The following ADAM28 variants were observed in gnomAD, a reference collection of about 807,000 sequenced individuals.
ADAM28 encodes the protein ADAM metallopeptidase domain 28.
A neutral mutation model predicts 101.2 loss-of-function variants in ADAM28; 105 were observed. That is an observed-to-expected ratio of 1.04 (90% CI 0.89 to 1.22). The LOEUF (loss-of-function observed/expected upper bound fraction) is 1.22, where lower values mean the gene tolerates loss of function less well. Ranked by LOEUF, ADAM28 falls within the 50% of genes most tolerant of loss-of-function variation. The pLI is 0.00. For synonymous variants in ADAM28, 322 were observed against 310.6 expected, an observed-to-expected ratio of 1.04 and a Z score of -0.39; for missense variants, 1,028 against 945.4, an observed-to-expected ratio of 1.09 and a Z score of -1.15.
Position 24,341,757 on chromosome 8 carries a change from G to C in ADAM28, c.1830G>C (p.Lys610Asn). 1.2e-6 allele frequency: 2 copies of C among 1,613,204 alleles called. No homozygotes were observed. Among genetic ancestry groups the C allele is most frequent in the Middle Eastern group, 3.3e-4 (2 of 6,058 alleles). The part of the protein sequence containing the change: ...VANGTKCGDN[K>N]VCINAECVDI... The stretch of plus-strand genomic sequence containing the variant: ...ATGGAACTAAGTGTGGCGATAACAA[G>C]GTAAGTTGAAATTGTGGCTTTCACT... The change falls in exon 16 of 23, where the codon AAG (lysine) becomes AAC (asparagine). Residue 610 changes from lysine (K) to asparagine (N), a missense_variant and splice_region_variant. Physicochemically the swap from Lys to Asn is moderately conservative, Grantham distance 94 (BLOSUM62 0). Transcript: ENST00000265769.
intron 20 of ADAM28, chr8:24,351,638 AAAAT>A (rs1251985111): frequency 8.5e-6 from 4 of 471,746 alleles, no homozygotes; most frequent in Non-Finnish European, 1.5e-5. Flanking sequence ...GCAAATTGAC[AAAAT>A]AGATACAAAA....
chr8:24,334,172 A>ACC (rs1341883119), intron 13 of ADAM28, among the ~76,000 whole-genome samples: 1 of 152,236 alleles, frequency 6.6e-6, no homozygotes. Flanking sequence ...TGATATACAT[A>ACC]TATGAAACAT....
At chr8:24,334,752 A>AAAAC (rs142374434) in intron 13 of ADAM28, among the ~76,000 whole-genome samples, 5 of 152,228 alleles carry the variant, frequency 3.3e-5, no homozygotes, top group East Asian at 3.8e-4. Context: ...GTTAGGAAGG[A>AAAAC]AAACAAACAA....
In ADAM28 at chr8:24,309,979, C is replaced by A. The variant is rs112239121; in HGVS notation, c.227+9C>A. 472 of 1,548,030 alleles carry A rather than the reference C, an allele frequency of 3.0e-4. No homozygotes were observed. In the African/African-American group the frequency reaches 5.8e-3, roughly 19 times the overall value. On this transcript the variant is annotated intron_variant, in intron 3 of 22. Coordinates refer to ENST00000265769, the MANE Select transcript of ADAM28 (RefSeq NM_014265.6). ...TATTTGAAAAAAAACAAGTAAGTAT[C>A]TTTACCTGTGATATTATCCTCAGCA...
At chr8:24,339,356 A>G (rs1205379748) in intron 14 of ADAM28, 110 bp from the exon 15 acceptor site, 2 of 785,620 alleles carry the variant, frequency 2.5e-6, no homozygotes, top group Non-Finnish European at 4.1e-6. Flanking sequence ...CTTGTTTTAT[A>G]TTTTATAAAT....
At position 24,330,022 on chromosome 8, in the gene ADAM28, T is replaced by C. The variant is rs148631817; in HGVS notation, c.1010T>C (p.Met337Thr). 4.1e-4 allele frequency: 666 copies of C among 1,613,654 alleles called. No homozygotes were observed. Among genetic ancestry groups the C allele is most frequent in the Non-Finnish European group, 1.8e-4 (216 of 1,179,734 alleles). The change falls in exon 11 of 23, where the codon ATG becomes ACG. Residue 337 changes from methionine to threonine, a missense_variant. By Grantham distance (81) the Met-to-Thr change is moderately conservative (BLOSUM62 -1). Transcript: ENST00000265769. ...SDNLLRVAGT[M>T]AHEMGHNFGM... Reference sequence around the variant, plus strand: ...AATCTTCTTAGAGTTGCAGGGACAATGGCACATGAAATGGGCCACAACTTT... The same window carrying C: ...AATCTTCTTAGAGTTGCAGGGACAACGGCACATGAAATGGGCCACAACTTT...
chr8:24,345,777 C>A (rs988061874), intron 18 of ADAM28, among the ~76,000 whole-genome samples: 1 of 151,964 alleles, frequency 6.6e-6, no homozygotes, highest in Non-Finnish European at 1.5e-5. Context: ...AAGTATTTCT[C>A]AAAATTTTTA....
At position 24,314,438 on chromosome 8, in the gene ADAM28, T is replaced by C. The variant is rs528110036; in HGVS notation, c.576+858T>C. Among the ~76,000 whole-genome samples, 15 of 152,284 alleles carry C rather than the reference T, an allele frequency of 9.9e-5. No homozygotes were observed. In the East Asian group the frequency reaches 1.7e-3, roughly 18 times the overall value. ...ATAGTTTTGTGTTTTAGACTGTATA[T>C]ATCAAAATATCTTTGTTGACCTTAC... On this transcript the variant is annotated intron_variant, in intron 6 of 22. Transcript: ENST00000265769.
chr8:24,299,184 A>AT (rs1808378001), intron 1 of ADAM28, among the ~76,000 whole-genome samples: 1 of 152,134 alleles, frequency 6.6e-6, no homozygotes, highest in African/African-American at 2.4e-5. Context: ...AGAGTGAGAC[A>AT]TTGTCTCAAA....
chr8:24,308,935 C>G (rs1810062817), intron 2 of ADAM28, among the ~76,000 whole-genome samples: 1 of 152,164 alleles, frequency 6.6e-6, no homozygotes, highest in Non-Finnish European at 1.5e-5. Context: ...GCAGAAGAAA[C>G]AGAACTCAGT....
intron 2 of ADAM28, chr8:24,301,001 A>G (rs1312467577): frequency 2.6e-5 from 4 of 152,220 alleles, no homozygotes; most frequent in African/African-American, 9.6e-5. Flanking sequence ...GAGAAAAGCT[A>G]AAACATGATG....
intron 6 of ADAM28, among the ~76,000 whole-genome samples, chr8:24,319,373 GTC>G (rs1473463141): frequency 6.6e-6 from 1 of 151,852 alleles, no homozygotes; most frequent in Non-Finnish European, 1.5e-5. Flanking sequence ...TTGTCTCTTG[GTC>G]TCTCTGCTGA....
chr8:24,348,830 G>T (rs751401638), intron 18 of ADAM28, among the ~76,000 whole-genome samples: 16 of 152,218 alleles, frequency 1.1e-4, no homozygotes, highest in Non-Finnish European at 1.6e-4. Context: ...GTGAAGTACT[G>T]CCAAATTCCC....
intron 5 of ADAM28, among the ~76,000 whole-genome samples, chr8:24,312,780 G>A (rs1184096710): frequency 6.6e-6 from 1 of 152,008 alleles, no homozygotes; most frequent in Non-Finnish European, 1.5e-5. Flanking sequence ...AATGAATAAT[G>A]GGTACTCAAT....
In ADAM28 at chr8:24,349,855, C is replaced by G; in HGVS notation, c.1991-9C>G. The G allele has an allele frequency of 6.2e-7, 1 of 1,613,060 alleles. No individual in the cohort carries two copies. The highest frequency in any genetic ancestry group is 1.3e-5 in the African/African-American group (1 of 74,960). On this transcript the variant is annotated splice_polypyrimidine_tract_variant and intron_variant, in intron 18 of 22. Coordinates refer to ENST00000265769, the MANE Select transcript of ADAM28 (RefSeq NM_014265.6). ...GCAGTCCTCAGCGGGCCCCTGTTCT[C>G]TGCTGCAGACTTCTCCATTGTGGTT...
In ADAM28 at chr8:24,311,399, G is replaced by C; in HGVS notation, c.345G>C (p.Lys115Asn). ...ATCAAGGACATATTCTTAATGAAAA[G>C]GTTTCTGACGCTAGCATCAGCACAT... is the stretch of plus-strand genomic sequence containing the variant. ...CYYQGHILNE[K>N]VSDASISTCR... is the part of the protein sequence containing the mutation. The change falls in exon 5 of 23, where the codon AAG becomes AAC. Residue 115 changes from lysine (K) to asparagine (N), a missense_variant. Coordinates refer to ENST00000265769, the MANE Select transcript of ADAM28 (RefSeq NM_014265.6). 6.2e-7 allele frequency: 1 copy of C among 1,613,010 alleles called. No homozygotes were observed. Among genetic ancestry groups the C allele is most frequent in the Non-Finnish European group, 8.5e-7 (1 of 1,179,464 alleles).
intron 1 of ADAM28, among the ~76,000 whole-genome samples, chr8:24,295,395 T>A (rs1015747489): frequency 2.6e-5 from 4 of 152,114 alleles, no homozygotes; most frequent in African/African-American, 7.2e-5. Context: ...ATATTAAAAA[T>A]ATATATAAAA....
intron 12 of ADAM28, 47 bp from the exon 13 acceptor site, chr8:24,332,613 G>A (rs1813495833): frequency 2.6e-6 from 3 of 1,158,448 alleles, no homozygotes; most frequent in African/African-American, 1.6e-5. Context: ...GCTGAACTGG[G>A]ACCAAAAAGT....
At chr8:24,347,818 C>G (rs1448748223) in intron 18 of ADAM28, among the ~76,000 whole-genome samples, 2 of 149,272 alleles carry the variant, frequency 1.3e-5, no homozygotes, top group African/African-American at 5.2e-5. Context: ...TCCTGGAGAC[C>G]ATATAGCTGT....
Sources: allele counts gnomAD v4.1 joint callset (sites outside exome capture counted in the v4.1 genomes callset), GRCh38; gene constraint gnomAD v4.1.1; transcripts MANE v1.5; gene names NCBI Gene and HGNC (gene_info 2026-07-23, HGNC 2026-07-21).